The following CSMD1 variants were observed in gnomAD, a reference collection of about 807,000 sequenced individuals.
The protein encoded by CSMD1 is CUB and sushi domain-containing protein 1.
A neutral mutation model predicts 417.5 loss-of-function variants in CSMD1; 213 were observed. The observed-to-expected ratio is 0.51, with a 90% CI of 0.46 to 0.57. The LOEUF (loss-of-function observed/expected upper bound fraction) is 0.57, where lower values mean the gene tolerates loss of function less well. Ranked by LOEUF, CSMD1 falls within the 20% of genes least tolerant of loss-of-function variation. CSMD1 has a pLI of 0.00. For synonymous variants in CSMD1, 2,862 were observed against 1,736.8 expected (o/e 1.65, Z -16.11); for missense variants, 6,923 against 4,529.7 (o/e 1.53, Z -15.17).
At chr8:4,141,853 C>T (rs954809252) in intron 3 of CSMD1, among the ~76,000 whole-genome samples, 12 of 150,892 alleles carry the variant, frequency 8.0e-5, no homozygotes, top group African/African-American at 3.0e-4. Flanking sequence ...CTAACAGTAC[C>T]ATTTAGATAT....
intron 3 of CSMD1, among the ~76,000 whole-genome samples, chr8:4,098,289 G>C (rs967971083): frequency 2.6e-5 from 4 of 152,224 alleles, no homozygotes; most frequent in East Asian, 1.9e-4. Flanking sequence ...CAAAAGGCAA[G>C]TAATTTGGAA....
At chr8:3,678,953 G>C (rs1163888298) in intron 7 of CSMD1, among the ~76,000 whole-genome samples, 3 of 152,020 alleles carry the variant, frequency 2.0e-5, no homozygotes, top group African/African-American at 2.4e-5. Context: ...CATAAGTGAA[G>C]AAATAAAATA....
At chr8:3,540,989 G>T (rs1798413617) in intron 10 of CSMD1, among the ~76,000 whole-genome samples, 1 of 152,134 alleles carries the variant, frequency 6.6e-6, no homozygotes, top group African/African-American at 2.4e-5. Flanking sequence ...CAAAGATCTA[G>T]AACCAGAAAT....
chr8:4,638,746 A>G (rs1357895392), intron 1 of CSMD1, among the ~76,000 whole-genome samples: 1 of 152,146 alleles, frequency 6.6e-6, no homozygotes, highest in African/African-American at 2.4e-5. Context: ...AATTGGGATC[A>G]CCCTGAGGGT....
intron 1 of CSMD1, among the ~76,000 whole-genome samples, chr8:4,913,226 C>A (rs1805821508): frequency 1.3e-5 from 2 of 152,178 alleles, no homozygotes; most frequent in Non-Finnish European, 1.5e-5. Context: ...AGGTACATCC[C>A]AAACTCCGTC....
chr8:4,236,255 T>G (rs1002063286), intron 3 of CSMD1, among the ~76,000 whole-genome samples: 1 of 152,040 alleles, frequency 6.6e-6, no homozygotes, highest in Non-Finnish European at 1.5e-5. Flanking sequence ...CCTGAGGGGC[T>G]TTATTTGTAA....
At chr8:4,003,674 T>C (rs887636955) in intron 4 of CSMD1, among the ~76,000 whole-genome samples, 6 of 152,174 alleles carry the variant, frequency 3.9e-5, no homozygotes, top group Admixed American at 2.0e-4. Flanking sequence ...ACTGATCTAG[T>C]TGTATGTTCC....
At chr8:4,508,943 C>T (rs966858703) in intron 2 of CSMD1, among the ~76,000 whole-genome samples, 25 of 151,898 alleles carry the variant, frequency 1.6e-4, no homozygotes, top group African/African-American at 5.8e-4. Context: ...CAGGACAGGT[C>T]CAATGTGAGG....
intron 18 of CSMD1, among the ~76,000 whole-genome samples, chr8:3,383,013 A>T (rs1157459030): frequency 6.6e-6 from 1 of 152,218 alleles, no homozygotes; most frequent in African/African-American, 2.4e-5. Flanking sequence ...TGAGAGGAGA[A>T]ACAGGATCTC....
intron 3 of CSMD1, among the ~76,000 whole-genome samples, chr8:4,217,991 G>C (rs1466421463): frequency 6.6e-6 from 1 of 152,158 alleles, no homozygotes; most frequent in Admixed American, 6.5e-5. Context: ...CAGTGAAGAA[G>C]AAATATCCAA....
chr8:4,498,250 C>A (rs546933661), intron 2 of CSMD1, among the ~76,000 whole-genome samples: 1 of 152,214 alleles, frequency 6.6e-6, no homozygotes, highest in East Asian at 1.9e-4. Flanking sequence ...TGCTTAGCTT[C>A]CATCAAAGTA....
At chr8:3,314,985 T>G (rs1805641723) in intron 23 of CSMD1, among the ~76,000 whole-genome samples, 1 of 152,204 alleles carries the variant, frequency 6.6e-6, no homozygotes, top group Non-Finnish European at 1.5e-5. Context: ...AAAACATAAC[T>G]GAAGAAAAGG....
At position 4,441,245 on chromosome 8, in the gene CSMD1, T is replaced by C. The variant is rs547974280; in HGVS notation, c.303-21180A>G. 9.6e-5 allele frequency among the ~76,000 whole-genome samples: 14 copies of C among 146,096 alleles called. No individual in the cohort carries two copies. The East Asian group carries it at 2.9e-3, about 30-fold the overall frequency. ...TCTTGAGTAGCTGGAACTACAGGCC[T>C]GAGCACTACACTCAGTTTTTTTTTT... On this transcript the variant is annotated intron_variant, in intron 2 of 69. Coordinates refer to ENST00000635120, the MANE Select transcript of CSMD1 (RefSeq NM_033225.6).
intron 1 of CSMD1, among the ~76,000 whole-genome samples, chr8:4,884,382 A>T (rs545694291): frequency 6.6e-6 from 1 of 152,112 alleles, no homozygotes; most frequent in East Asian, 1.9e-4. Flanking sequence ...GTTTTGATGA[A>T]GTCCAATATC....
chr8:4,922,938 A>G (rs1184798197), intron 1 of CSMD1, among the ~76,000 whole-genome samples: 1 of 152,182 alleles, frequency 6.6e-6, no homozygotes, highest in African/African-American at 2.4e-5. Context: ...GTCTTGGTGT[A>G]TATGCATATT....
intron 1 of CSMD1, among the ~76,000 whole-genome samples, chr8:4,740,765 C>T (rs980677958): frequency 2.6e-5 from 4 of 152,112 alleles, no homozygotes; most frequent in Non-Finnish European, 5.9e-5. Flanking sequence ...AATAAATGTT[C>T]TACCTCTTCT....
At chr8:3,317,827 T>C (rs1414542603) in intron 23 of CSMD1, among the ~76,000 whole-genome samples, 1 of 152,234 alleles carries the variant, frequency 6.6e-6, no homozygotes, top group East Asian at 1.9e-4. Context: ...ATGTTATTTT[T>C]TGAGACAAGG....
intron 2 of CSMD1, among the ~76,000 whole-genome samples, chr8:4,463,210 G>A (rs138015614): frequency 1.3e-5 from 2 of 152,182 alleles, no homozygotes; most frequent in East Asian, 1.9e-4. Context: ...TAGCCATCAA[G>A]GAAATGCAAA....
chr8:4,351,930 G>A (rs371033287), intron 3 of CSMD1, among the ~76,000 whole-genome samples: 1 of 147,696 alleles, frequency 6.8e-6, no homozygotes, highest in African/African-American at 2.5e-5. Context: ...GACATTCAAG[G>A]TAACATTGCC....
Sources: allele counts gnomAD v4.1 joint callset (sites outside exome capture counted in the v4.1 genomes callset), GRCh38; gene constraint gnomAD v4.1.1; transcripts MANE v1.5; gene names NCBI Gene and HGNC (gene_info 2026-07-23, HGNC 2026-07-21).